RALY: variants seen among roughly 807,000 people sequenced by gnomAD.
RALY encodes RALY heterogeneous nuclear ribonucleoprotein, also known as RNA-binding protein Raly.
RALY carries 15 observed loss-of-function variants against 30.7 expected under a neutral mutation model. The observed-to-expected ratio is 0.49, with a 90% CI of 0.33 to 0.75. The LOEUF (loss-of-function observed/expected upper bound fraction) is 0.75, where lower values mean the gene tolerates loss of function less well. RALY is among the 30% of genes least tolerant of loss of function. RALY has a pLI of 0.02. For synonymous variants in RALY, 177 were observed against 170.8 expected, an observed-to-expected ratio of 1.04 and a Z score of -0.28; for missense variants, 339 against 414.3, an observed-to-expected ratio of 0.82 and a Z score of 1.58.
chr20:34,046,149 T>C (rs1371338341), intron 2 of RALY, among the ~76,000 whole-genome samples: 1 of 152,248 alleles, frequency 6.6e-6, no homozygotes, highest in Non-Finnish European at 1.5e-5. Context: ...TCTGCATCCT[T>C]GCTCATGCTA....
intron 2 of RALY, among the ~76,000 whole-genome samples, chr20:34,043,037 C>T (rs1183988062): frequency 6.6e-6 from 1 of 152,228 alleles, no homozygotes; most frequent in Non-Finnish European, 1.5e-5. Context: ...CCATCCCAAC[C>T]CAGGAAGGCA....
In RALY at chr20:34,083,876, A is replaced by T. The variant is rs2034066069; in HGVS notation, c.*3971A>T. On this transcript the variant is annotated 3_prime_UTR_variant, in exon 10 of 10. Coordinates refer to ENST00000246194, the MANE Select transcript of RALY (RefSeq NM_016732.3). ...GGTTTTCATCCCAACCAGATCATTG[A>T]TTGATTGAGGTTTTAGGCAAATCAA... The T allele has an allele frequency of 6.6e-6, 1 of 152,174 alleles. No homozygotes were observed. 9.4% of individuals were successfully genotyped at this position (152,174 alleles called of 1,614,324 possible). A position where few individuals can be genotyped will look rare whatever the true frequency, so the allele number is the denominator to read the frequency against.
chr20:34,053,383 A>ATTTTTTTTTTTTTTTTTTTTTT (rs60912814), intron 2 of RALY, among the ~76,000 whole-genome samples: 9 of 54,098 alleles, frequency 1.7e-4, no homozygotes, highest in African/African-American at 3.1e-4. Context: ...ATGTTCAATA[A>ATTTTTTTTTTTTTTTTTTTTTT]TTTTTTTTTT....
At chr20:34,040,141 A>C (rs1320251968) in intron 2 of RALY, among the ~76,000 whole-genome samples, 1 of 152,082 alleles carries the variant, frequency 6.6e-6, no homozygotes, top group African/African-American at 2.4e-5. Flanking sequence ...ATGATAATAG[A>C]TTCAGCACAC....
chr20:34,061,634 GC>G (rs1336925943), intron 2 of RALY, among the ~76,000 whole-genome samples: 2 of 152,282 alleles, frequency 1.3e-5, no homozygotes, highest in African/African-American at 4.8e-5. Flanking sequence ...AATAATACCT[GC>G]CTCAGAGTAC....
At chr20:34,025,388 G>A (rs575040388) in intron 1 of RALY, among the ~76,000 whole-genome samples, 2 of 151,202 alleles carry the variant, frequency 1.3e-5, no homozygotes, top group African/African-American at 4.9e-5. Context: ...TGCATCCTCC[G>A]CTGCCCGGGT....
intron 1 of RALY, among the ~76,000 whole-genome samples, chr20:33,999,901 A>G (rs1046436557): frequency 2.6e-5 from 4 of 152,144 alleles, no homozygotes; most frequent in African/African-American, 4.8e-5. Context: ...TAGATGACCC[A>G]TAAGGTCCCT....
intron 1 of RALY, among the ~76,000 whole-genome samples, chr20:34,003,935 G>A (rs182577906): frequency 2.0e-4 from 31 of 152,238 alleles, no homozygotes; most frequent in Admixed American, 1.4e-3. Flanking sequence ...CACCGTGCCC[G>A]GCCTCCAAAC....
chr20:34,065,813 G>T (rs1340858174), intron 2 of RALY, among the ~76,000 whole-genome samples: 1 of 152,206 alleles, frequency 6.6e-6, no homozygotes, highest in Admixed American at 6.5e-5. Context: ...TCATCCCCAT[G>T]CAGGAGAATA....
chr20:33,995,640 C>A (rs1463971031), intron 1 of RALY, among the ~76,000 whole-genome samples: 1 of 152,122 alleles, frequency 6.6e-6, no homozygotes. Context: ...TCTGGTACGT[C>A]TGTGGTGCCT....
intron 8 of RALY, 37 bp downstream of exon 8, chr20:34,077,282 T>G (rs749479136): frequency 1.2e-6 from 2 of 1,610,840 alleles, no homozygotes; most frequent in South Asian, 2.2e-5. Context: ...GGGACTCGAC[T>G]GTGCTCCTAC....
At chr20:34,040,542 G>C (rs1467486008) in intron 2 of RALY, among the ~76,000 whole-genome samples, 3 of 152,192 alleles carry the variant, frequency 2.0e-5, no homozygotes, top group African/African-American at 2.4e-5. Flanking sequence ...TCACAGCTCT[G>C]ATCTGCTGCT....
chr20:34,083,173 T>C lies in RALY; in HGVS notation c.*3268T>C, dbSNP rs951204018. On this transcript the variant is annotated 3_prime_UTR_variant, in exon 10 of 10. Transcript: ENST00000246194. The stretch of plus-strand genomic sequence containing the variant: ...AAATTTAGTAGCCTTAATAAACATT[T>C]ATTAGCTCCTGAGTGAGTGGCTTGG... 1.3e-5 allele frequency: 2 copies of C among 152,250 alleles called. No homozygotes were observed. Among genetic ancestry groups the C allele is most frequent in the African/African-American group, 4.8e-5 (2 of 41,454 alleles). The allele number at this position is 152,250 out of a possible 1,614,324, so 9.4% of individuals were successfully genotyped here.
intron 1 of RALY, among the ~76,000 whole-genome samples, chr20:34,008,748 T>C (rs1364393100): frequency 6.6e-6 from 1 of 152,184 alleles, no homozygotes; most frequent in Non-Finnish European, 1.5e-5. Context: ...AGCCTCAAAC[T>C]CTTAGGCTTA....
At chr20:34,010,921 GC>G (rs2031372665) in intron 1 of RALY, among the ~76,000 whole-genome samples, 1 of 151,410 alleles carries the variant, frequency 6.6e-6, no homozygotes. Context: ...TTATATCTCG[GC>G]TGAACTGTGA....
At chr20:34,026,374 T>TTTTATTTATTTATTTA (rs372397530) in intron 1 of RALY, among the ~76,000 whole-genome samples, 14 of 142,452 alleles carry the variant, frequency 9.8e-5, no homozygotes, top group East Asian at 6.3e-4. Flanking sequence ...ACCTCAGACA[T>TTTTATTTATTTATTTA]TTTATTTATT....
intron 1 of RALY, chr20:34,017,388 C>T (rs913016058): frequency 2.0e-5 from 3 of 152,384 alleles, no homozygotes; most frequent in African/African-American, 7.2e-5. Context: ...CGATTCCAAT[C>T]TGATGAACTG....
chr20:34,016,139 G>A (rs1296505645), intron 1 of RALY, among the ~76,000 whole-genome samples: 1 of 152,084 alleles, frequency 6.6e-6, no homozygotes, highest in Non-Finnish European at 1.5e-5. Flanking sequence ...GCCACACACC[G>A]AGTACCACAG....
intron 2 of RALY, chr20:34,048,974 C>G (rs78417602): frequency 1.3e-5 from 2 of 151,646 alleles, no homozygotes; most frequent in Non-Finnish European, 2.9e-5. Context: ...CTGTGATAAA[C>G]AAAACAGCCA....
Sources: allele counts gnomAD v4.1 joint callset (sites outside exome capture counted in the v4.1 genomes callset), GRCh38; gene constraint gnomAD v4.1.1; transcripts MANE v1.5; gene names NCBI Gene and HGNC (gene_info 2026-07-23, HGNC 2026-07-21).